The following ATF6 variants were observed in gnomAD, a reference collection of about 807,000 sequenced individuals.
ATF6 encodes the protein activating transcription factor 6, also known as cyclic AMP-dependent transcription factor ATF-6 alpha.
Under a neutral mutation model 83.6 loss-of-function variants are expected in ATF6, and 53 were observed. The observed-to-expected ratio is 0.63, with a 90% CI of 0.51 to 0.80. The LOEUF is 0.80. Ranked by LOEUF, ATF6 falls within the 30% of genes least tolerant of loss-of-function variation. The probability of loss-of-function intolerance (pLI) is 0.00; values close to 1 mark genes in which losing one functional copy is unlikely to be tolerated. For missense variants in ATF6, 744 were observed against 797.9 expected (o/e 0.93, Z 0.81); for synonymous variants, 288 against 285.8 (o/e 1.01, Z -0.08).
At chr1:161,931,288 A>C (rs373609462) in intron 15 of ATF6, among the ~76,000 whole-genome samples, 2 of 152,324 alleles carry the variant, frequency 1.3e-5, no homozygotes, top group South Asian at 2.1e-4. Context: ...AATTCTTATA[A>C]TTAACATAAT....
chr1:161,820,067 AC>A (rs1354106328), intron 8 of ATF6, among the ~76,000 whole-genome samples: 1 of 152,072 alleles, frequency 6.6e-6, no homozygotes, highest in Non-Finnish European at 1.5e-5. Flanking sequence ...TTGCCTTAGC[AC>A]CCTCTTTTCT....
intron 9 of ATF6, among the ~76,000 whole-genome samples, chr1:161,826,677 G>A (rs188751025): frequency 6.6e-6 from 1 of 152,290 alleles, no homozygotes; most frequent in Non-Finnish European, 1.5e-5. Context: ...TGGAAGGAAT[G>A]AGGAAGTGTA....
At chr1:161,883,647 G>C (rs1440096118) in intron 14 of ATF6, among the ~76,000 whole-genome samples, 1 of 151,906 alleles carries the variant, frequency 6.6e-6, no homozygotes, top group African/African-American at 2.4e-5. Context: ...ATTTTCACTT[G>C]TAGCATAAAA....
At chr1:161,950,269 T>C (rs1688835276) in intron 15 of ATF6, among the ~76,000 whole-genome samples, 1 of 152,196 alleles carries the variant, frequency 6.6e-6, no homozygotes, top group African/African-American at 2.4e-5. Context: ...TTGTAGAAGC[T>C]AGCCTGCCCA....
At chr1:161,812,621 T>A (rs888150792) in intron 7 of ATF6, among the ~76,000 whole-genome samples, 2 of 151,944 alleles carry the variant, frequency 1.3e-5, no homozygotes, top group Non-Finnish European at 2.9e-5. Context: ...CTCGATCTCC[T>A]GACCTCGTGA....
rs372776676 is a variant in ATF6 at position 161,917,579 on chromosome 1, C to T, written c.1804+5199C>T. On this transcript the variant is annotated intron_variant, in intron 15 of 15. Coordinates refer to ENST00000367942, the MANE Select transcript of ATF6 (RefSeq NM_007348.4). Reference sequence around the variant, plus strand: ...GGGACTACAGGCGCCTGCCACCACGCCCGGCTAATTTTTTGTATTTTCAGT... The same window carrying T: ...GGGACTACAGGCGCCTGCCACCACGTCCGGCTAATTTTTTGTATTTTCAGT... Among the ~76,000 whole-genome samples, 10 of 152,280 alleles carry T rather than the reference C, an allele frequency of 6.6e-5. No homozygotes were observed. The East Asian group carries it at 1.7e-3, about 26-fold the overall frequency.
At chr1:161,850,924 AC>A (rs988278035) in intron 10 of ATF6, among the ~76,000 whole-genome samples, 22 of 152,224 alleles carry the variant, frequency 1.4e-4, no homozygotes, top group African/African-American at 5.3e-4. Flanking sequence ...TTTGCTCCCT[AC>A]GTCACACCTT....
intron 13 of ATF6, among the ~76,000 whole-genome samples, chr1:161,862,298 C>T (rs948993648): frequency 6.6e-6 from 1 of 152,114 alleles, no homozygotes; most frequent in Non-Finnish European, 1.5e-5. Context: ...CCATTTAGGT[C>T]AGTCTTTTTC....
intron 7 of ATF6, among the ~76,000 whole-genome samples, chr1:161,807,865 CTTTTTTTTT>C (rs761462420): frequency 3.1e-4 from 10 of 32,344 alleles, no homozygotes; most frequent in South Asian, 1.5e-3. Flanking sequence ...AGTTTGTCAT[CTTTTTTTTT>C]TTTTTTTTTT....
intron 14 of ATF6, among the ~76,000 whole-genome samples, chr1:161,878,551 G>A (rs777890603): frequency 6.6e-5 from 10 of 151,752 alleles, no homozygotes; most frequent in Non-Finnish European, 1.0e-4. Flanking sequence ...GACGGTTCAG[G>A]ACCAAATTAG....
intron 4 of ATF6, among the ~76,000 whole-genome samples, chr1:161,790,852 A>G (rs1401343014): frequency 6.6e-6 from 1 of 151,328 alleles, no homozygotes; most frequent in Admixed American, 6.6e-5. Flanking sequence ...ACAACAAAGC[A>G]CTGCTCCATT....
At chr1:161,912,442 C>T (rs1189039120) in intron 15 of ATF6, 62 bp downstream of exon 15, 1 of 1,139,272 alleles carries the variant, frequency 8.8e-7, no homozygotes, top group East Asian at 2.5e-5. Context: ...GGATTCTCTT[C>T]ATTAGTTCAA....
chr1:161,790,342 A>G (rs187623743), intron 4 of ATF6, among the ~76,000 whole-genome samples: 454 of 152,242 alleles, frequency 3.0e-3, no homozygotes, highest in Admixed American at 4.8e-3. Context: ...GATTATGTCT[A>G]TTGCGTGATC....
chr1:161,792,179 GC>G lies in ATF6; in HGVS notation c.543del (p.Lys182SerfsTer89). On this transcript the variant is annotated frameshift_variant, in exon 6 of 16. Transcript: ENST00000367942. LOFTEE classifies it high-confidence loss of function. ...IQVNSKPSIQ[P>X]KPLLLPAAPK... Reference sequence around the variant, plus strand: ...AGGTGAATTCAAAACCTTCAATTCAGCCCAAGCCTTTATTGCTTCCAGCAGC... The same window carrying G: ...AGGTGAATTCAAAACCTTCAATTCAGCCAAGCCTTTATTGCTTCCAGCAGC... 6.2e-7 allele frequency: 1 copy of G among 1,614,040 alleles called. No individual in the cohort carries two copies. Among genetic ancestry groups the G allele is most frequent in the Non-Finnish European group, 8.5e-7 (1 of 1,180,012 alleles).
At chr1:161,773,172 G>T (rs1238199319) in intron 1 of ATF6, among the ~76,000 whole-genome samples, 3 of 147,986 alleles carry the variant, frequency 2.0e-5, no homozygotes, top group African/African-American at 7.6e-5. Context: ...GTCTCTCTCT[G>T]TTACCCAGGC....
At position 161,791,074 on chromosome 1, in the gene ATF6, GTGTGTGTGTCTC is replaced by G. The variant is rs1236894265; in HGVS notation, c.355-324_355-313del. 4.5e-4 allele frequency among the ~76,000 whole-genome samples: 39 copies of G among 86,662 alleles called. No individual in the cohort carries two copies. The African/African-American group carries it at 5.2e-3, about 11-fold the overall frequency. The allele number at this position is 86,662 out of a possible 152,430, so 56.9% of individuals were successfully genotyped here. On this transcript the variant is annotated intron_variant, in intron 4 of 15. Coordinates refer to ENST00000367942, the MANE Select transcript of ATF6 (RefSeq NM_007348.4). ...AACCAAGTTTTATATGTGTGTGTGT[GTGTGTGTGTCTC>G]TGTGTGTGTGTGTGTGTCTCTGTGT...
intron 12 of ATF6, among the ~76,000 whole-genome samples, chr1:161,856,357 A>C (rs185166713): frequency 6.6e-6 from 1 of 152,322 alleles, no homozygotes; most frequent in Non-Finnish European, 1.5e-5. Context: ...AGTCATTAAC[A>C]ATGTCACATG....
At chr1:161,958,015 C>T (rs960689747) in intron 15 of ATF6, among the ~76,000 whole-genome samples, 5 of 152,184 alleles carry the variant, frequency 3.3e-5, no homozygotes, top group African/African-American at 9.7e-5. Flanking sequence ...GAATGCTGGT[C>T]CTTTTGACAG....
chr1:161,945,627 C>T (rs1688732748), intron 15 of ATF6, among the ~76,000 whole-genome samples: 2 of 152,146 alleles, frequency 1.3e-5, no homozygotes, highest in Admixed American at 6.5e-5. Context: ...ATCCTAATAA[C>T]AAGTTTACTG....
Sources: gnomAD v4.1 joint callset for allele counts (sites outside exome capture counted in the v4.1 genomes callset) on GRCh38, gnomAD v4.1.1 for gene constraint, MANE v1.5 for transcripts, NCBI Gene and HGNC (gene_info 2026-07-23, HGNC 2026-07-21) for gene names.